IFT43: variants seen among roughly 807,000 people sequenced by gnomAD.
IFT43 encodes the protein intraflagellar transport 43.
A neutral mutation model predicts 32.3 loss-of-function variants in IFT43; 33 were observed. That is an observed-to-expected ratio of 1.02 (90% CI 0.77 to 1.37). The LOEUF (loss-of-function observed/expected upper bound fraction) is 1.37, where lower values mean the gene tolerates loss of function less well. IFT43 is among the 40% of genes most tolerant of loss of function. The probability of loss-of-function intolerance (pLI) is 0.00; values close to 1 mark genes in which losing one functional copy is unlikely to be tolerated. For synonymous variants in IFT43, 93 were observed against 98.2 expected (o/e 0.95, Z 0.31); for missense variants, 274 against 265.9 (o/e 1.03, Z -0.21).
At chr14:76,078,202 T>C (rs548151772) in intron 5 of IFT43, among the ~76,000 whole-genome samples, 1 of 152,224 alleles carries the variant, frequency 6.6e-6, no homozygotes, top group African/African-American at 2.4e-5. Flanking sequence ...TCGTTAACAG[T>C]GATTACTTCT....
intron 3 of IFT43, among the ~76,000 whole-genome samples, chr14:76,035,303 TA>T (rs1318089225): frequency 6.6e-6 from 1 of 152,198 alleles, no homozygotes; most frequent in Non-Finnish European, 1.5e-5. Context: ...TCTCCTCACA[TA>T]AATCTCCATT....
intron 2 of IFT43, chr14:76,013,677 A>G: frequency 3.2e-6 from 1 of 317,350 alleles, no homozygotes; most frequent in South Asian, 5.8e-5. Flanking sequence ...CAAATCCAAA[A>G]TGGCAGCCAG....
chr14:75,991,243 A>G (rs1240755452), intron 2 of IFT43, among the ~76,000 whole-genome samples: 1 of 151,976 alleles, frequency 6.6e-6, no homozygotes. Context: ...AGGCAGGAAA[A>G]TTGCTTGAAC....
Position 76,046,306 on chromosome 14 carries a change from T to C in IFT43, c.216-12336T>C, listed in dbSNP as rs141855261. Reference sequence around the variant, plus strand: ...CGGAGGCTTTGTGAGCGGGATAAAATGTTTCTCATGTGGGGCTGGGGGTCT... The same window carrying C: ...CGGAGGCTTTGTGAGCGGGATAAAACGTTTCTCATGTGGGGCTGGGGGTCT... On this transcript the variant is annotated intron_variant, in intron 3 of 8. Transcript: ENST00000314067. Among the ~76,000 whole-genome samples the C allele has an allele frequency of 1.4e-3, 206 of 152,120 alleles. 1 individual carries two copies. The highest frequency in any genetic ancestry group is 4.6e-3 in the African/African-American group (189 of 41,478).
intron 3 of IFT43, among the ~76,000 whole-genome samples, chr14:76,057,439 C>T (rs761415006): frequency 6.6e-6 from 1 of 151,888 alleles, no homozygotes; most frequent in Non-Finnish European, 1.5e-5. Flanking sequence ...CCATGTTGGA[C>T]GGGCTGGTCT....
chr14:75,991,717 TAC>T (rs887587380), intron 2 of IFT43, among the ~76,000 whole-genome samples: 16 of 152,304 alleles, frequency 1.1e-4, no homozygotes, highest in Middle Eastern at 3.4e-3. Flanking sequence ...TTTCGAGGTT[TAC>T]CTTTTTTTAA....
chr14:76,030,949 A>G (rs949176754), intron 3 of IFT43, among the ~76,000 whole-genome samples: 2 of 151,258 alleles, frequency 1.3e-5, no homozygotes, highest in African/African-American at 4.8e-5. Flanking sequence ...CGTCCATCCC[A>G]TATAGGCAGT....
At chr14:76,019,719 T>C (rs975428917) in intron 2 of IFT43, among the ~76,000 whole-genome samples, 1 of 152,178 alleles carries the variant, frequency 6.6e-6, no homozygotes, top group African/African-American at 2.4e-5. Flanking sequence ...TTGTTTTCTT[T>C]ATGGTGTTGC....
chr14:76,051,316 G>A (rs1430913943), intron 3 of IFT43, among the ~76,000 whole-genome samples: 2 of 150,718 alleles, frequency 1.3e-5, no homozygotes, highest in Admixed American at 1.3e-4. Context: ...TAAATGAGGA[G>A]AAATCTGTTG....
intron 2 of IFT43, among the ~76,000 whole-genome samples, chr14:76,018,972 G>A (rs991097217): frequency 7.2e-5 from 11 of 152,022 alleles, no homozygotes; most frequent in African/African-American, 2.4e-5. Flanking sequence ...TAGCCAGCCA[G>A]TTTAGTGAGG....
intron 2 of IFT43, among the ~76,000 whole-genome samples, chr14:76,007,706 G>A (rs1229521081): frequency 1.3e-5 from 2 of 152,208 alleles, no homozygotes; most frequent in African/African-American, 2.4e-5. Flanking sequence ...TGACAGAAAT[G>A]TATAGGTTTT....
chr14:76,003,016 C>CT (rs2035919340), intron 2 of IFT43, among the ~76,000 whole-genome samples: 1 of 152,134 alleles, frequency 6.6e-6, no homozygotes, highest in Admixed American at 6.5e-5. Context: ...GGCTAGATTT[C>CT]TTCTTATTAT....
chr14:76,005,593 T>G (rs541548940), intron 2 of IFT43, among the ~76,000 whole-genome samples: 4 of 152,348 alleles, frequency 2.6e-5, no homozygotes, highest in Admixed American at 2.6e-4. Context: ...GTGTATGTAT[T>G]TGGGGGCTCC....
intron 5 of IFT43, 34 bp downstream of exon 5, chr14:76,059,407 C>T: frequency 1.9e-6 from 3 of 1,598,432 alleles, no homozygotes; most frequent in Non-Finnish European, 2.6e-6. Context: ...AAAAGGTCTT[C>T]TAGAGAGGCC....
intron 5 of IFT43, among the ~76,000 whole-genome samples, chr14:76,069,709 T>A (rs1014175032): frequency 1.4e-4 from 21 of 152,218 alleles, no homozygotes; most frequent in Non-Finnish European, 2.5e-4. Flanking sequence ...CTCCAAAATA[T>A]GTCCTTAAAA....
chr14:76,053,607 A>T (rs1214414203), intron 3 of IFT43, among the ~76,000 whole-genome samples: 1 of 152,210 alleles, frequency 6.6e-6, no homozygotes, highest in African/African-American at 2.4e-5. Context: ...AGGGGAAGCC[A>T]GTCTTTGCTC....
intron 1 of IFT43, chr14:75,986,170 A>T (rs945255660): frequency 1.5e-6 from 2 of 1,338,894 alleles, no homozygotes; most frequent in African/African-American, 1.5e-5. Flanking sequence ...TCACAGGGTG[A>T]TAGGGGAGCC....
intron 5 of IFT43, among the ~76,000 whole-genome samples, chr14:76,062,089 T>TTTG (rs111942838): frequency 7.6e-6 from 1 of 130,806 alleles, no homozygotes; most frequent in African/African-American, 2.9e-5. Flanking sequence ...TTTTTTTTTT[T>TTTG]AAACAGAGTC....
intron 5 of IFT43, among the ~76,000 whole-genome samples, chr14:76,076,262 G>A (rs17183942): frequency 0.35 from 53,038 of 152,130 alleles, 9,358 homozygotes; most frequent in African/African-American, 0.4. Context: ...TAAGCCAACC[G>A]TTTGTATCAT....
Sources: allele counts gnomAD v4.1 joint callset (sites outside exome capture counted in the v4.1 genomes callset), GRCh38; gene constraint gnomAD v4.1.1; transcripts MANE v1.5; gene names NCBI Gene and HGNC (gene_info 2026-07-23, HGNC 2026-07-21).